Variants in CNTNAP2 observed in about 807,000 individuals in gnomAD.
The protein encoded by CNTNAP2 is contactin-associated protein-like 2.
A neutral mutation model predicts 155.2 loss-of-function variants in CNTNAP2; 98 were observed. That is an observed-to-expected ratio of 0.63 (90% CI 0.54 to 0.75). The LOEUF is 0.75. Among genes scored for constraint, CNTNAP2 ranks in the 30% least tolerant of loss-of-function variants. CNTNAP2 has a pLI of 0.00. For missense variants in CNTNAP2, 1,727 were observed against 1,688.1 expected, an observed-to-expected ratio of 1.02 and a Z score of -0.40; for synonymous variants, 651 against 631.2, an observed-to-expected ratio of 1.03 and a Z score of -0.47.
intron 2 of CNTNAP2, among the ~76,000 whole-genome samples, chr7:146,824,038 C>T (rs1323291252): frequency 6.6e-6 from 1 of 152,090 alleles, no homozygotes; most frequent in Non-Finnish European, 1.5e-5. Flanking sequence ...CCTCCCCCAG[C>T]CCTCCAACCC....
intron 1 of CNTNAP2, among the ~76,000 whole-genome samples, chr7:146,295,121 TAGTC>T (rs1487045354): frequency 1.3e-5 from 2 of 152,146 alleles, no homozygotes; most frequent in Admixed American, 1.3e-4. Flanking sequence ...ATTCACGAGG[TAGTC>T]AGTCATAGTC....
At chr7:147,285,057 A>G (rs1805145701) in intron 8 of CNTNAP2, among the ~76,000 whole-genome samples, 1 of 151,896 alleles carries the variant, frequency 6.6e-6, no homozygotes, top group Admixed American at 6.6e-5. Context: ...GGCATGTATA[A>G]AAACAGAGTT....
intron 1 of CNTNAP2, among the ~76,000 whole-genome samples, chr7:146,415,258 T>C (rs541310646): frequency 6.6e-6 from 1 of 151,944 alleles, no homozygotes; most frequent in Admixed American, 6.6e-5. Context: ...ATACACACAA[T>C]GATCACCTTC....
chr7:146,479,946 G>A (rs754878495), intron 1 of CNTNAP2, among the ~76,000 whole-genome samples: 20 of 152,074 alleles, frequency 1.3e-4, no homozygotes, highest in Admixed American at 2.6e-4. Context: ...CAACACGCCC[G>A]GCTAATTTTC....
At chr7:146,670,879 A>G (rs1383835442) in intron 1 of CNTNAP2, among the ~76,000 whole-genome samples, 1 of 152,176 alleles carries the variant, frequency 6.6e-6, no homozygotes, top group Non-Finnish European at 1.5e-5. Context: ...TATTCCTAAG[A>G]TCCCTGTCTT....
chr7:146,446,735 C>T (rs1042554527), intron 1 of CNTNAP2, among the ~76,000 whole-genome samples: 24 of 152,032 alleles, frequency 1.6e-4, no homozygotes, highest in Non-Finnish European at 3.1e-4. Flanking sequence ...CTTGAAGATC[C>T]TTATTTAGAT....
At chr7:146,532,684 A>T (rs1376910665) in intron 1 of CNTNAP2, among the ~76,000 whole-genome samples, 1 of 152,066 alleles carries the variant, frequency 6.6e-6, no homozygotes. Context: ...CCTCTTACTA[A>T]CCGAAACTAA....
At chr7:146,936,484 G>T (rs766474135) in intron 3 of CNTNAP2, among the ~76,000 whole-genome samples, 2 of 152,174 alleles carry the variant, frequency 1.3e-5, no homozygotes, top group Non-Finnish European at 2.9e-5. Flanking sequence ...TGGTGATAGT[G>T]ACATCGATGA....
intron 8 of CNTNAP2, among the ~76,000 whole-genome samples, chr7:147,273,190 C>A (rs528923192): frequency 1.3e-5 from 2 of 152,246 alleles, no homozygotes; most frequent in African/African-American, 2.4e-5. Flanking sequence ...TTCACCTTAT[C>A]ACCACTTCGC....
chr7:147,941,077 T>A (rs1394804270), intron 14 of CNTNAP2, among the ~76,000 whole-genome samples: 2 of 152,204 alleles, frequency 1.3e-5, no homozygotes, highest in Non-Finnish European at 2.9e-5. Flanking sequence ...TACTTTCTGA[T>A]GTGCTCTGAT....
At chr7:148,361,599 C>T (rs1798621075) in intron 21 of CNTNAP2, among the ~76,000 whole-genome samples, 1 of 152,190 alleles carries the variant, frequency 6.6e-6, no homozygotes, top group Non-Finnish European at 1.5e-5. Context: ...ACCTGCCTTT[C>T]TCCCTGTGTG....
At chr7:148,273,038 C>T (rs1270337188) in intron 21 of CNTNAP2, among the ~76,000 whole-genome samples, 1 of 152,230 alleles carries the variant, frequency 6.6e-6, no homozygotes, top group Non-Finnish European at 1.5e-5. Flanking sequence ...AGGAAAATCT[C>T]AGCTCCATAT....
intron 1 of CNTNAP2, among the ~76,000 whole-genome samples, chr7:146,345,421 G>A (rs1563048441): frequency 1.3e-5 from 2 of 152,150 alleles, no homozygotes; most frequent in South Asian, 4.1e-4. Context: ...AGACCGTTGA[G>A]GTCATTCTGT....
At chr7:146,213,328 T>C (rs765418972) in intron 1 of CNTNAP2, among the ~76,000 whole-genome samples, 5 of 152,210 alleles carry the variant, frequency 3.3e-5, no homozygotes, top group Non-Finnish European at 7.3e-5. Flanking sequence ...CCTTGGCTAT[T>C]GATCAACCTT....
chr7:147,058,437 A>G (rs1799603605), intron 4 of CNTNAP2, among the ~76,000 whole-genome samples: 1 of 152,218 alleles, frequency 6.6e-6, no homozygotes, highest in African/African-American at 2.4e-5. Context: ...TGCTAACAGA[A>G]TAAAATTTAT....
chr7:146,831,281 C>G (rs1803504994), intron 2 of CNTNAP2, among the ~76,000 whole-genome samples: 1 of 151,970 alleles, frequency 6.6e-6, no homozygotes, highest in African/African-American at 2.4e-5. Flanking sequence ...GACTATCTTT[C>G]TTTTTTTGGC....
chr7:146,227,120 G>A (rs540498097), intron 1 of CNTNAP2, among the ~76,000 whole-genome samples: 36 of 152,114 alleles, frequency 2.4e-4, no homozygotes. Context: ...GAGGAATGAT[G>A]AGAGAATAGA....
chr7:147,708,828 T>G (rs140327036), intron 13 of CNTNAP2, among the ~76,000 whole-genome samples: 1 of 152,194 alleles, frequency 6.6e-6, no homozygotes, highest in Admixed American at 6.5e-5. Context: ...CTATTCAAAG[T>G]GTGATCATCT....
intron 12 of CNTNAP2, among the ~76,000 whole-genome samples, chr7:147,605,347 A>G (rs1801040005): frequency 6.6e-6 from 1 of 152,148 alleles, no homozygotes; most frequent in Non-Finnish European, 1.5e-5. Context: ...CCCACAAAAT[A>G]TGGGACTGGA....
Sources: allele counts gnomAD v4.1 joint callset (sites outside exome capture counted in the v4.1 genomes callset), GRCh38; gene constraint gnomAD v4.1.1; transcripts MANE v1.5; gene names NCBI Gene and HGNC (gene_info 2026-07-23, HGNC 2026-07-21).